The following CLIP1 variants were observed in gnomAD, a reference collection of about 807,000 sequenced individuals.
CLIP1 encodes the protein CAP-Gly domain containing linker protein 1.
CLIP1 carries 66 observed loss-of-function variants against 161.6 expected under a neutral mutation model. The ratio of observed to expected loss-of-function variants is 0.41; its 90% CI spans 0.33 to 0.50. The LOEUF is 0.50. Among genes scored for constraint, CLIP1 ranks in the 20% least tolerant of loss-of-function variants. The probability of loss-of-function intolerance (pLI) is 0.27; values close to 1 mark genes in which losing one functional copy is unlikely to be tolerated. For synonymous variants in CLIP1, 598 were observed against 626.2 expected (o/e 0.96, Z 0.67); for missense variants, 1,376 against 1,702.0 (o/e 0.81, Z 3.37).
At chr12:122,273,898 A>C in intron 25 of CLIP1, 140 bp downstream of exon 25, 1 of 631,914 alleles carries the variant, frequency 1.6e-6, no homozygotes, top group Non-Finnish European at 2.7e-6. Flanking sequence ...CGCCTGGCTA[A>C]CTTTTGTATT....
intron 20 of CLIP1, among the ~76,000 whole-genome samples, chr12:122,300,775 AATT>A (rs776979040): frequency 1.3e-5 from 2 of 151,980 alleles, no homozygotes; most frequent in Non-Finnish European, 2.9e-5. Context: ...CTACCCCTCA[AATT>A]TTGTTAGTCA....
chr12:122,361,573 G>A (rs1953809834), intron 4 of CLIP1, among the ~76,000 whole-genome samples: 4 of 152,234 alleles, frequency 2.6e-5, no homozygotes, highest in Admixed American at 2.6e-4. Context: ...ATCCATTAAA[G>A]TAAACATGAA....
In CLIP1 at chr12:122,288,359, T is replaced by A. The variant is rs1313559692; in HGVS notation, c.3647+130A>T. 2.0e-5 allele frequency: 15 copies of A among 765,118 alleles called. No homozygotes were observed. In the East Asian group the frequency reaches 3.6e-4, roughly 18 times the overall value. 47.4% of individuals were successfully genotyped at this position (765,118 alleles called of 1,614,324 possible). On this transcript the variant is annotated intron_variant, in intron 21 of 25. Transcript: ENST00000620786. ...ATTTTCATATTTTGTCAGTTACAAG[T>A]ACCAAACTATCACAATGCCATTTTC...
At chr12:122,320,717 C>CT (rs572671726) in intron 17 of CLIP1, among the ~76,000 whole-genome samples, 318 of 138,584 alleles carry the variant, frequency 2.3e-3, no homozygotes, top group African/African-American at 4.4e-3. Flanking sequence ...GAGCGAGACT[C>CT]TTTTTTTTTT....
chr12:122,383,312 C>G (rs182366750), intron 1 of CLIP1, among the ~76,000 whole-genome samples: 1 of 152,180 alleles, frequency 6.6e-6, no homozygotes, highest in Non-Finnish European at 1.5e-5. Context: ...GTTGGGCTCA[C>G]GTCAAGCACT....
At chr12:122,410,571 G>A (rs939455331) in intron 1 of CLIP1, among the ~76,000 whole-genome samples, 2 of 149,990 alleles carry the variant, frequency 1.3e-5, no homozygotes, top group South Asian at 2.1e-4. Flanking sequence ...CGATTCTCCT[G>A]CCTCAGCCTC....
At chr12:122,276,215 A>G (rs2136202864) in intron 24 of CLIP1, among the ~76,000 whole-genome samples, 1 of 152,296 alleles carries the variant, frequency 6.6e-6, no homozygotes, top group South Asian at 2.1e-4. Flanking sequence ...CAATCACTGC[A>G]GTCTTTCTCT....
intron 23 of CLIP1, chr12:122,278,412 C>T (rs545799493): frequency 6.8e-5 from 40 of 590,830 alleles, no homozygotes; most frequent in African/African-American, 6.7e-4. Flanking sequence ...TTGCCCTTCA[C>T]GTGCTCTCCC....
chr12:122,414,338 G>A (rs921028501), intron 1 of CLIP1, among the ~76,000 whole-genome samples: 4 of 151,732 alleles, frequency 2.6e-5, no homozygotes, highest in South Asian at 2.1e-4. Context: ...TTGTAGAGAC[G>A]GAAGTCTCAA....
rs184454594 is a variant in CLIP1, at chr12:122,287,208, C to T, written c.3647+1281G>A. ...AATTAAAAAAAGAAAAAAGAAAATG[C>T]ATCCCTGGACCAAGGCCTAACGTCC... is the stretch of plus-strand genomic sequence containing the variant. On this transcript the variant is annotated intron_variant, in intron 21 of 25. Transcript: ENST00000620786. Among the ~76,000 whole-genome samples the T allele has an allele frequency of 2.4e-3, 361 of 152,162 alleles. 2 individuals are homozygous for T. Among genetic ancestry groups the T allele is most frequent in the Admixed American group, 8.1e-3 (123 of 15,270 alleles).
At chr12:122,364,496 C>T (rs1048856764) in intron 3 of CLIP1, among the ~76,000 whole-genome samples, 1 of 151,866 alleles carries the variant, frequency 6.6e-6, no homozygotes, top group African/African-American at 2.4e-5. Flanking sequence ...CTTGACCTCC[C>T]GGGCTAGGGG....
At chr12:122,284,491 T>TAC (rs1483412077) in intron 21 of CLIP1, among the ~76,000 whole-genome samples, 1 of 152,114 alleles carries the variant, frequency 6.6e-6, no homozygotes, top group African/African-American at 2.4e-5. Flanking sequence ...TAGCTGGGAC[T>TAC]ACAGATGCCC....
Position 122,380,531 on chromosome 12 carries a change from T to C in CLIP1, c.-79A>G. ...CAACCATTGATACAACTGTGGGTTC[T>C]ATAGTGAAGTCAGTCTCTGGATTAA... On this transcript the variant is annotated 5_prime_UTR_variant, in exon 2 of 26. The change creates a new upstream start codon in the 5' untranslated region. Coordinates refer to ENST00000620786, the MANE Select transcript of CLIP1 (RefSeq NM_001247997.2). 1.3e-6 allele frequency: 1 copy of C among 794,038 alleles called. No homozygotes were observed. Among genetic ancestry groups the C allele is most frequent in the Non-Finnish European group, 2.1e-6 (1 of 486,592 alleles). 49.2% of individuals were successfully genotyped at this position (794,038 alleles called of 1,614,324 possible). A position where few individuals can be genotyped will look rare whatever the true frequency, so the allele number is the denominator to read the frequency against.
At chr12:122,379,930 C>T (rs1311365236) in intron 2 of CLIP1, among the ~76,000 whole-genome samples, 12 of 88,510 alleles carry the variant, frequency 1.4e-4, no homozygotes, top group East Asian at 6.7e-4. Flanking sequence ...GGGAATAGAG[C>T]AAGACTCCAT....
chr12:122,388,219 CTATT>C (rs1187235188), intron 1 of CLIP1, among the ~76,000 whole-genome samples: 1 of 145,616 alleles, frequency 6.9e-6, no homozygotes, highest in Non-Finnish European at 1.5e-5. Flanking sequence ...GGTAGGCCAG[CTATT>C]TTTTTTTTTT....
intron 1 of CLIP1, among the ~76,000 whole-genome samples, chr12:122,385,142 A>T (rs1322975357): frequency 2.6e-5 from 4 of 152,032 alleles, no homozygotes; most frequent in Non-Finnish European, 5.9e-5. Flanking sequence ...CATATTGGCC[A>T]GGATGGTCTC....
At chr12:122,359,196 C>T (rs1859336716) in intron 5 of CLIP1, among the ~76,000 whole-genome samples, 1 of 152,138 alleles carries the variant, frequency 6.6e-6, no homozygotes, top group South Asian at 2.1e-4. Flanking sequence ...CTTTGTCATA[C>T]TATTTTATGG....
At chr12:122,399,754 C>G (rs1956076970) in intron 1 of CLIP1, 1 of 152,136 alleles carries the variant, frequency 6.6e-6, no homozygotes, top group Non-Finnish European at 1.5e-5. Flanking sequence ...AAAGGAAATT[C>G]AGCACCAGGC....
At chr12:122,300,123 A>G (rs7957432) in intron 20 of CLIP1, among the ~76,000 whole-genome samples, 146 of 152,272 alleles carry the variant, frequency 9.6e-4, no homozygotes, top group African/African-American at 3.5e-3. Context: ...CTGAAAAATT[A>G]GCCAGGCATA....
Sources: gnomAD v4.1 joint callset for allele counts (sites outside exome capture counted in the v4.1 genomes callset) on GRCh38, gnomAD v4.1.1 for gene constraint, MANE v1.5 for transcripts, NCBI Gene and HGNC (gene_info 2026-07-23, HGNC 2026-07-21) for gene names.